REC114: variants seen among roughly 807,000 people sequenced by gnomAD.
The protein encoded by REC114 is REC114 meiotic recombination protein.
A neutral mutation model predicts 31.3 loss-of-function variants in REC114; 27 were observed. The observed-to-expected ratio is 0.86, with a 90% CI of 0.64 to 1.19. The LOEUF is 1.19. Among genes scored for constraint, REC114 ranks in the 50% most tolerant of loss-of-function variants. The probability of loss-of-function intolerance (pLI) is 0.00; values close to 1 mark genes in which losing one functional copy is unlikely to be tolerated. For missense variants in REC114, 344 were observed against 326.9 expected (o/e 1.05, Z -0.40); for synonymous variants, 134 against 127.7 (o/e 1.05, Z -0.33).
intron 2 of REC114, among the ~76,000 whole-genome samples, chr15:73,532,268 AATG>A (rs1450939254): frequency 6.7e-6 from 1 of 149,736 alleles, no homozygotes; most frequent in Non-Finnish European, 1.5e-5. Flanking sequence ...GTTTACTGAG[AATG>A]ATGATTTCCA....
chr15:73,455,918 G>C (rs748521019), intron 1 of REC114, among the ~76,000 whole-genome samples: 1 of 152,176 alleles, frequency 6.6e-6, no homozygotes, highest in African/African-American at 2.4e-5. Context: ...CACAGATGCT[G>C]TTGGTTCAAG....
chr15:73,497,069 T>C (rs1484747222), intron 2 of REC114, among the ~76,000 whole-genome samples: 1 of 152,196 alleles, frequency 6.6e-6, no homozygotes, highest in African/African-American at 2.4e-5. Flanking sequence ...TTACTAGTAA[T>C]GTTAACCTTG....
intron 1 of REC114, among the ~76,000 whole-genome samples, chr15:73,457,460 G>A (rs1054465884): frequency 1.3e-5 from 2 of 152,136 alleles, no homozygotes; most frequent in Non-Finnish European, 2.9e-5. Flanking sequence ...AACTGTAGCT[G>A]CACTGACCTC....
At chr15:73,443,576 A>G (rs1421666739) in intron 1 of REC114, among the ~76,000 whole-genome samples, 1 of 152,250 alleles carries the variant, frequency 6.6e-6, no homozygotes, top group African/African-American at 2.4e-5. Context: ...AGGGAGTAGT[A>G]AACATTCATA....
intron 1 of REC114, among the ~76,000 whole-genome samples, chr15:73,455,945 G>T (rs952917238): frequency 3.9e-5 from 6 of 152,150 alleles, no homozygotes; most frequent in Admixed American, 2.6e-4. Context: ...ACTTTGAGAG[G>T]CAGGGGTTTA....
chr15:73,521,726 A>C (rs977386380), intron 2 of REC114, among the ~76,000 whole-genome samples: 25 of 152,170 alleles, frequency 1.6e-4, no homozygotes, highest in African/African-American at 5.8e-4. Flanking sequence ...GAAATGCACA[A>C]ATTTCTTGAA....
rs1486827226 is a variant in REC114 at position 73,533,989 on chromosome 15, C to T, written c.250-6496C>T. 2.6e-5 allele frequency among the ~76,000 whole-genome samples: 3 copies of T among 114,288 alleles called. No individual in the cohort carries two copies. The Admixed American group carries it at 2.9e-4, about 11-fold the overall frequency. 75.0% of individuals were successfully genotyped at this position (114,288 alleles called of 152,430 possible). ...AAATAAAGATGTTCTTTGAAACCAA[C>T]GAGAACAAAGACACAACATACCAGA... On this transcript the variant is annotated intron_variant, in intron 2 of 5. Coordinates refer to ENST00000331090, the MANE Select transcript of REC114 (RefSeq NM_001042367.2).
intron 2 of REC114, among the ~76,000 whole-genome samples, chr15:73,500,652 T>C (rs1251673664): frequency 6.6e-6 from 1 of 152,126 alleles, no homozygotes; most frequent in Non-Finnish European, 1.5e-5. Flanking sequence ...ATGTGTATAA[T>C]ACTTTGCTGT....
chr15:73,522,682 A>G (rs1352522927), intron 2 of REC114, among the ~76,000 whole-genome samples: 1 of 152,220 alleles, frequency 6.6e-6, no homozygotes, highest in Non-Finnish European at 1.5e-5. Context: ...TATCCAATAC[A>G]TATTCATGGA....
chr15:73,514,040 C>G (rs1487877964), intron 2 of REC114, among the ~76,000 whole-genome samples: 3 of 152,156 alleles, frequency 2.0e-5, no homozygotes, highest in African/African-American at 4.8e-5. Flanking sequence ...GCCCCTCCCC[C>G]AGCCTCGCTG....
At chr15:73,481,849 T>A (rs138959424) in intron 2 of REC114, among the ~76,000 whole-genome samples, 3,060 of 151,924 alleles carry the variant, frequency 0.02, 127 homozygotes, top group African/African-American at 0.07. Context: ...TTAGTAGAGA[T>A]GGGGTTTCAC....
intron 2 of REC114, among the ~76,000 whole-genome samples, chr15:73,478,349 C>G (rs1003905419): frequency 2.0e-5 from 3 of 148,424 alleles, no homozygotes; most frequent in Admixed American, 6.7e-5. Context: ...ATTGAAAAGA[C>G]TAGCTTTCTC....
intron 2 of REC114, among the ~76,000 whole-genome samples, chr15:73,537,618 G>T (rs1472179507): frequency 6.6e-6 from 1 of 152,186 alleles, no homozygotes; most frequent in Non-Finnish European, 1.5e-5. Flanking sequence ...TAAGTGATCA[G>T]TACAGTATTG....
intron 3 of REC114, among the ~76,000 whole-genome samples, chr15:73,545,325 T>C (rs1894294339): frequency 6.6e-6 from 1 of 152,204 alleles, no homozygotes; most frequent in South Asian, 2.1e-4. Flanking sequence ...TGAGAACTTT[T>C]CACTTCACAG....
chr15:73,485,021 C>G (rs765236312), intron 2 of REC114, among the ~76,000 whole-genome samples: 2 of 152,142 alleles, frequency 1.3e-5, no homozygotes, highest in African/African-American at 2.4e-5. Context: ...GCAGTCTTAA[C>G]TACAGAATCT....
intron 2 of REC114, among the ~76,000 whole-genome samples, chr15:73,517,678 T>C (rs991366629): frequency 2.6e-5 from 4 of 152,326 alleles, no homozygotes; most frequent in East Asian, 1.9e-4. Flanking sequence ...CAGTTTGAAT[T>C]GGAGGTGTTT....
intron 2 of REC114, among the ~76,000 whole-genome samples, chr15:73,482,469 G>T (rs906824655): frequency 6.6e-6 from 1 of 152,186 alleles, no homozygotes; most frequent in Non-Finnish European, 1.5e-5. Flanking sequence ...AGATGGTGGT[G>T]CCATGCTTTC....
intron 2 of REC114, among the ~76,000 whole-genome samples, chr15:73,534,010 C>A (rs1432657731): frequency 6.0e-5 from 7 of 116,008 alleles, no homozygotes; most frequent in South Asian, 3.7e-4. Context: ...ACACAACATA[C>A]CAGAATCTCT....
At chr15:73,466,698 A>G (rs895475476) in intron 1 of REC114, among the ~76,000 whole-genome samples, 3 of 152,250 alleles carry the variant, frequency 2.0e-5, no homozygotes, top group Non-Finnish European at 4.4e-5. Context: ...ATAAATTTCA[A>G]TGTTAAAGAT....
Sources: gnomAD v4.1 joint callset for allele counts (sites outside exome capture counted in the v4.1 genomes callset) on GRCh38, gnomAD v4.1.1 for gene constraint, MANE v1.5 for transcripts, NCBI Gene and HGNC (gene_info 2026-07-23, HGNC 2026-07-21) for gene names.